The following KCND2 variants were observed in gnomAD, a reference collection of about 807,000 sequenced individuals.
The protein encoded by KCND2 is A-type voltage-gated potassium channel KCND2.
In KCND2, 16 loss-of-function variants were observed where a neutral mutation model predicts 54.4. The ratio of observed to expected loss-of-function variants is 0.29; its 90% confidence interval spans 0.20 to 0.45. The LOEUF (loss-of-function observed/expected upper bound fraction) is 0.45, where lower values mean the gene tolerates loss of function less well. Among genes scored for constraint, KCND2 ranks in the 20% least tolerant of loss-of-function variants. The pLI is 1.00. For synonymous variants in KCND2, 317 were observed against 310.7 expected, an observed-to-expected ratio of 1.02 and a Z score of -0.21; for missense variants, 486 against 824.2, an observed-to-expected ratio of 0.59 and a Z score of 5.02.
intron 1 of KCND2, among the ~76,000 whole-genome samples, chr7:120,508,465 T>C (rs1803061623): frequency 6.6e-6 from 1 of 152,018 alleles, no homozygotes; most frequent in South Asian, 2.1e-4. Context: ...GGAAGGTAGC[T>C]GTAGATATAA....
chr7:120,493,320 G>T (rs916653518), intron 1 of KCND2, among the ~76,000 whole-genome samples: 2 of 151,382 alleles, frequency 1.3e-5, no homozygotes, highest in Admixed American at 6.6e-5. Flanking sequence ...TTTTCTTAAC[G>T]GTTTAAGAAG....
At chr7:120,479,568 A>G (rs1395081771) in intron 1 of KCND2, among the ~76,000 whole-genome samples, 2 of 151,802 alleles carry the variant, frequency 1.3e-5, no homozygotes, top group African/African-American at 2.4e-5. Context: ...TCATGGAAAT[A>G]AAATGGTGTT....
intron 1 of KCND2, among the ~76,000 whole-genome samples, chr7:120,474,583 C>CA (rs1041836311): frequency 4.6e-5 from 7 of 151,094 alleles, no homozygotes; most frequent in Middle Eastern, 6.8e-3. Flanking sequence ...AGCCTGGTCT[C>CA]AAACTCCTGA....
chr7:120,738,423 A>G lies in KCND2; in HGVS notation c.1279-3111A>G, dbSNP rs567615814. Among the ~76,000 whole-genome samples the G allele has an allele frequency of 1.3e-4, 20 of 152,204 alleles. No individual in the cohort carries two copies. In the East Asian group the frequency reaches 3.7e-3, roughly 28 times the overall value. On this transcript the variant is annotated intron_variant, in intron 2 of 5. Coordinates refer to ENST00000331113, the MANE Select transcript of KCND2 (RefSeq NM_012281.3). ...TGGACAAAAGCTGCAGCTATGAAGAATTGGGATGCATAGGAAGAATATGTT... is the reference window on the plus strand; with the variant it reads ...TGGACAAAAGCTGCAGCTATGAAGAGTTGGGATGCATAGGAAGAATATGTT...
At chr7:120,742,180 G>T in intron 3 of KCND2, 2 of 307,874 alleles carry the variant, frequency 6.5e-6, no homozygotes, top group Non-Finnish European at 6.2e-6. Flanking sequence ...CATGATCGTG[G>T]TTTCAAAATT....
chr7:120,521,604 T>C (rs545358155), intron 1 of KCND2, among the ~76,000 whole-genome samples: 1 of 152,180 alleles, frequency 6.6e-6, no homozygotes, highest in African/African-American at 2.4e-5. Context: ...TCTCAGTCTC[T>C]AAATTGAGCG....
intron 1 of KCND2, among the ~76,000 whole-genome samples, chr7:120,357,311 T>A (rs1345340593): frequency 6.6e-6 from 1 of 152,118 alleles, no homozygotes; most frequent in Non-Finnish European, 1.5e-5. Context: ...GGAGCCAGGA[T>A]TCAAATTCAG....
At chr7:120,451,072 G>T (rs1802099007) in intron 1 of KCND2, among the ~76,000 whole-genome samples, 1 of 152,034 alleles carries the variant, frequency 6.6e-6, no homozygotes, top group African/African-American at 2.4e-5. Flanking sequence ...CTCAAGCAAA[G>T]CATCACCTAC....
intron 1 of KCND2, among the ~76,000 whole-genome samples, chr7:120,627,193 C>T (rs1418495368): frequency 7.2e-6 from 1 of 138,222 alleles, no homozygotes; most frequent in Non-Finnish European, 1.5e-5. Flanking sequence ...GCATTGTGCT[C>T]GTCGTGAGAA....
At chr7:120,581,856 C>T (rs1035166976) in intron 1 of KCND2, among the ~76,000 whole-genome samples, 3 of 152,022 alleles carry the variant, frequency 2.0e-5, no homozygotes, top group African/African-American at 7.3e-5. Flanking sequence ...GGATTACAGA[C>T]ATGCACCACC....
intron 1 of KCND2, among the ~76,000 whole-genome samples, chr7:120,663,253 A>G (rs1791887325): frequency 6.6e-6 from 1 of 152,204 alleles, no homozygotes. Context: ...CAACAACAAC[A>G]AAAGAGGTTA....
At chr7:120,660,429 A>C (rs17595357) in intron 1 of KCND2, among the ~76,000 whole-genome samples, 387 of 152,360 alleles carry the variant, frequency 2.5e-3, no homozygotes, top group Middle Eastern at 0.014. Flanking sequence ...AGAACGGATC[A>C]TTTATTTTCC....
intron 1 of KCND2, among the ~76,000 whole-genome samples, chr7:120,471,441 A>G (rs1420491752): frequency 6.6e-6 from 1 of 152,270 alleles, no homozygotes; most frequent in East Asian, 1.9e-4. Context: ...ACATCTCCAA[A>G]TGATCTCTAA....
chr7:120,300,807 T>C (rs1489516594), intron 1 of KCND2, among the ~76,000 whole-genome samples: 5 of 152,132 alleles, frequency 3.3e-5, no homozygotes. Context: ...ACAGTGTCTG[T>C]GGCCCGTATT....
intron 1 of KCND2, among the ~76,000 whole-genome samples, chr7:120,602,156 G>A (rs565594936): frequency 3.9e-5 from 6 of 152,218 alleles, no homozygotes; most frequent in African/African-American, 1.4e-4. Flanking sequence ...CATGTAAATA[G>A]CATTAAGGGA....
intron 1 of KCND2, among the ~76,000 whole-genome samples, chr7:120,278,532 C>T (rs1021809631): frequency 4.0e-5 from 6 of 150,736 alleles, no homozygotes; most frequent in African/African-American, 1.2e-4. Context: ...ACGTTATCTA[C>T]ATGAGAATAA....
intron 1 of KCND2, among the ~76,000 whole-genome samples, chr7:120,337,222 G>C (rs149041266): frequency 3.9e-4 from 60 of 152,132 alleles, no homozygotes; most frequent in African/African-American, 1.4e-3. Flanking sequence ...AACCAAATAA[G>C]ATTCTTTTTA....
intron 1 of KCND2, among the ~76,000 whole-genome samples, chr7:120,711,797 T>C (rs765199368): frequency 5.1e-4 from 78 of 152,170 alleles, no homozygotes; most frequent in Admixed American, 1.2e-3. Flanking sequence ...AGATTGAGTT[T>C]ATTTTTTATT....
intron 1 of KCND2, among the ~76,000 whole-genome samples, chr7:120,533,271 C>T (rs1791864036): frequency 6.6e-6 from 1 of 152,092 alleles, no homozygotes; most frequent in African/African-American, 2.4e-5. Context: ...GATCTTTAGA[C>T]ATGGTGTACA....
Sources: allele counts gnomAD v4.1 joint callset (sites outside exome capture counted in the v4.1 genomes callset), GRCh38; gene constraint gnomAD v4.1.1; transcripts MANE v1.5; gene names NCBI Gene and HGNC (gene_info 2026-07-23, HGNC 2026-07-21).